The following CA5B variants were observed in gnomAD, a reference collection of about 807,000 sequenced individuals.
The protein encoded by CA5B is carbonic anhydrase 5B, also known as carbonic anhydrase 5B, mitochondrial.
A neutral mutation model predicts 23.1 loss-of-function variants in CA5B; 15 were observed. That is an observed-to-expected ratio of 0.65 (90% CI 0.43 to 1.00). CA5B has a LOEUF of 1.00. Among genes scored for constraint, CA5B ranks in the 50% least tolerant of loss-of-function variants. The pLI is 0.00. For missense variants in CA5B, 236 were observed against 252.2 expected, an observed-to-expected ratio of 0.94 and a Z score of 0.43; for synonymous variants, 84 against 98.5, an observed-to-expected ratio of 0.85 and a Z score of 0.87.
intron 1 of CA5B, among the ~76,000 whole-genome samples, chrX:15,743,058 G>A (rs970651482): frequency 2.7e-5 from 3 of 112,374 alleles, no homozygotes; most frequent in African/African-American, 9.7e-5. Context: ...TCCATTACCT[G>A]TGAACCTCAT....
intron 3 of CA5B, among the ~76,000 whole-genome samples, chrX:15,766,205 T>C (rs1262915187): frequency 9.3e-6 from 1 of 107,885 alleles, no homozygotes; most frequent in East Asian, 2.9e-4. Flanking sequence ...GCATTTATCC[T>C]GGCTCTGAGT....
chrX:15,767,930 A>C (rs1343496482), intron 3 of CA5B, among the ~76,000 whole-genome samples: 10 of 38,987 alleles, frequency 2.6e-4, no homozygotes, highest in African/African-American at 4.6e-4. Context: ...ATGGTGTCTC[A>C]CTCTGTCGCC....
At position 15,749,994 on chromosome X, in the gene CA5B, C is replaced by G; in HGVS notation, c.-30C>G. 1 of 1,206,589 alleles carries G rather than the reference C, an allele frequency of 8.3e-7. No individual in the cohort carries two copies. Among genetic ancestry groups the G allele is most frequent in the Non-Finnish European group, 1.1e-6 (1 of 892,356 alleles). ...AGATTATTAAGTTCCTGCAACTTAA[C>G]TGGGAACTGATCAAGATTTCAAGCT... On this transcript the variant is annotated 5_prime_UTR_variant, in exon 2 of 8. Coordinates refer to ENST00000318636, the MANE Select transcript of CA5B (RefSeq NM_007220.4).
At position 15,775,471 on chromosome X, in the gene CA5B, A is replaced by T. The variant is rs1185219737; in HGVS notation, c.618+163A>T. ...ATGATTCCAGGGGACAGAAGTCATC[A>T]TTCTGTGGGTAGGCAGTGAGCTTTC... On this transcript the variant is annotated intron_variant, in intron 6 of 7. Transcript: ENST00000318636. 5 of 992,420 alleles carry T rather than the reference A, an allele frequency of 5.0e-6. No homozygotes were observed. In the East Asian group the frequency reaches 1.9e-4, roughly 38 times the overall value. 81.8% of individuals were successfully genotyped at this position (992,420 alleles called of 1,213,427 possible).
chrX:15,741,382 C>CAAA (rs1291464062), intron 1 of CA5B, among the ~76,000 whole-genome samples: 1 of 36,261 alleles, frequency 2.8e-5, no homozygotes, highest in African/African-American at 1.0e-4. Flanking sequence ...GACCCTGTCT[C>CAAA]AAAAAAAAAA....
chrX:15,771,459 G>A (rs1931818865), intron 3 of CA5B, among the ~76,000 whole-genome samples: 1 of 107,762 alleles, frequency 9.3e-6, no homozygotes, highest in South Asian at 4.1e-4. Context: ...CAGAGTCTCG[G>A]TCTGTCACTC....
At chrX:15,739,828 C>T (rs1030105199) in intron 1 of CA5B, among the ~76,000 whole-genome samples, 2 of 111,598 alleles carry the variant, frequency 1.8e-5, no homozygotes, top group Non-Finnish European at 3.8e-5. Flanking sequence ...GTCAAGATAT[C>T]GCAGCATAAT....
chrX:15,760,272 A>G (rs1181167072), intron 2 of CA5B, among the ~76,000 whole-genome samples: 3 of 111,266 alleles, frequency 2.7e-5, no homozygotes, highest in African/African-American at 9.8e-5. Context: ...GGAGTAGGAG[A>G]GAACAAAAGT....
chrX:15,771,753 T>C (rs780939755), intron 3 of CA5B, among the ~76,000 whole-genome samples: 3 of 110,474 alleles, frequency 2.7e-5, no homozygotes, highest in African/African-American at 9.9e-5. Context: ...GTTTTTTCAA[T>C]TGACATATTT....
intron 7 of CA5B, among the ~76,000 whole-genome samples, chrX:15,777,545 A>G (rs1431053745): frequency 9.0e-6 from 1 of 111,652 alleles, no homozygotes; most frequent in Admixed American, 9.6e-5. Flanking sequence ...CCCCCTCTGA[A>G]GAATATAAAA....
intron 6 of CA5B, chrX:15,775,576 C>T (rs747354220): frequency 1.2e-6 from 1 of 840,459 alleles, no homozygotes; most frequent in South Asian, 5.7e-5. Context: ...GACACCGGCT[C>T]CTTCTAAGTC....
At position 15,776,800 on chromosome X, in the gene CA5B, T is replaced by C; in HGVS notation, c.705T>C (p.Thr235=). The part of the protein sequence containing the change: ...PDYWTYSGSL[T]TPPLSESVTW... ...ACTGGACCTACTCAGGGTCTCTGAC[T>C]ACCCCACCCCTCTCCGAGTCTGTCA... The change falls in exon 7 of 8, where the codon ACT becomes ACC. Residue 235 remains threonine, a synonymous_variant. Transcript: ENST00000318636. 1 of 1,208,794 alleles carries C rather than the reference T, an allele frequency of 8.3e-7. No homozygotes were observed. The highest frequency in any genetic ancestry group is 3.0e-5 in the East Asian group (1 of 33,853).
chrX:15,752,712 G>C (rs764884178), intron 2 of CA5B, among the ~76,000 whole-genome samples: 33 of 96,510 alleles, frequency 3.4e-4, no homozygotes, highest in Middle Eastern at 5.2e-3. Flanking sequence ...GCGACAGAGC[G>C]AGACTCTGTC....
At chrX:15,755,607 G>A (rs760382586) in intron 2 of CA5B, among the ~76,000 whole-genome samples, 7 of 112,072 alleles carry the variant, frequency 6.2e-5, no homozygotes, top group Non-Finnish European at 1.1e-4. Context: ...GATAAATAAC[G>A]TAAGCCACAA....
chrX:15,762,655 G>A (rs928131468), intron 2 of CA5B: 1 of 282,109 alleles, frequency 3.5e-6, no homozygotes, highest in Non-Finnish European at 7.0e-6. Context: ...TCCTGACCTC[G>A]TGATCCGCCA....
At chrX:15,780,524 G>A (rs1459312551) in intron 7 of CA5B, among the ~76,000 whole-genome samples, 2 of 111,035 alleles carry the variant, frequency 1.8e-5, no homozygotes, top group Non-Finnish European at 1.9e-5. Flanking sequence ...CACCCGCCTC[G>A]GCCTCCCAAA....
At position 15,749,970 on chromosome X, in the gene CA5B, GATT is replaced by G. The variant is rs1931322370; in HGVS notation, c.-49_-47del. 1 of 1,192,955 alleles carries G rather than the reference GATT, an allele frequency of 8.4e-7. No homozygotes were observed. The highest frequency in any genetic ancestry group is 2.3e-5 in the Admixed American group (1 of 44,098). ...TCCCTCCTCTGCCCTCATCCCTCTA[GATT>G]ATTAAGTTCCTGCAACTTAACTGGG... On this transcript the variant is annotated splice_region_variant and 5_prime_UTR_variant, in exon 2 of 8. Transcript: ENST00000318636.
At chrX:15,757,612 G>A (rs145522202) in intron 2 of CA5B, among the ~76,000 whole-genome samples, 42 of 109,833 alleles carry the variant, frequency 3.8e-4, no homozygotes, top group African/African-American at 1.3e-3. Flanking sequence ...GGAGGCTGAC[G>A]CAGGAAAATT....
rs1045789804 is a variant in CA5B at position 15,773,994 on chromosome X, T to G, written c.460-308T>G. The stretch of plus-strand genomic sequence containing the variant: ...GCAAGTGGATTTCGAATATTGGTAT[T>G]TCATTCAAATCAAGATGGGACTGGA... On this transcript the variant is annotated intron_variant, in intron 4 of 7. Transcript: ENST00000318636. Among the ~76,000 whole-genome samples the G allele has an allele frequency of 4.4e-5, 5 of 112,629 alleles. No individual in the cohort carries two copies. The Admixed American group carries it at 4.7e-4, about 11-fold the overall frequency.
Sources: gnomAD v4.1 joint callset for allele counts (sites outside exome capture counted in the v4.1 genomes callset) on GRCh38, gnomAD v4.1.1 for gene constraint, MANE v1.5 for transcripts, NCBI Gene and HGNC (gene_info 2026-07-23, HGNC 2026-07-21) for gene names.